C11orf16: variants seen among roughly 807,000 people sequenced by gnomAD.
The protein encoded by C11orf16 is uncharacterized protein C11orf16.
In C11orf16, 38 loss-of-function variants were observed where a neutral mutation model predicts 45.1. The observed-to-expected ratio is 0.84, with a 90% CI of 0.65 to 1.10. C11orf16 has a LOEUF of 1.10. C11orf16 is among the 50% of genes least tolerant of loss of function. The pLI is 0.00. For synonymous variants in C11orf16, 221 were observed against 222.0 expected (o/e 1.00, Z 0.04); for missense variants, 583 against 569.5 (o/e 1.02, Z -0.24).
chr11:8,931,427 C>T (rs921554087), intron 2 of C11orf16, among the ~76,000 whole-genome samples: 1 of 151,988 alleles, frequency 6.6e-6, no homozygotes, highest in Admixed American at 6.6e-5. Context: ...CTCACTCTGT[C>T]ACCCAGGCTG....
intron 5 of C11orf16, 98 bp downstream of exon 5, chr11:8,925,365 G>T: frequency 9.1e-7 from 1 of 1,094,698 alleles, no homozygotes; most frequent in Non-Finnish European, 1.3e-6. Context: ...TCCCAACAGA[G>T]TGGACACGTG....
chr11:8,922,527 C>T (rs1190296176), intron 5 of C11orf16, among the ~76,000 whole-genome samples: 1 of 152,180 alleles, frequency 6.6e-6, no homozygotes, highest in East Asian at 1.9e-4. Flanking sequence ...AAAGTACCTC[C>T]CTGCCAGCAG....
At position 8,929,098 on chromosome 11, in the gene C11orf16, G is replaced by A. The variant is rs577499400; in HGVS notation, c.324+279C>T. The A allele has an allele frequency of 8.3e-6, 3 of 361,594 alleles. No individual in the cohort carries two copies. The South Asian group carries it at 1.6e-4, about 20-fold the overall frequency. 22.4% of individuals were successfully genotyped at this position (361,594 alleles called of 1,614,324 possible). On this transcript the variant is annotated intron_variant, in intron 3 of 6. Coordinates refer to ENST00000326053, the MANE Select transcript of C11orf16 (RefSeq NM_020643.3). ...GAATGATTCTTCTTCATAGCTCTCAGAAGGAACCAACCTTGCCAACCCCTG... is the reference window on the plus strand; with the variant it reads ...GAATGATTCTTCTTCATAGCTCTCAAAAGGAACCAACCTTGCCAACCCCTG...
At chr11:8,923,909 C>T (rs999344805) in intron 5 of C11orf16, among the ~76,000 whole-genome samples, 6 of 133,046 alleles carry the variant, frequency 4.5e-5, no homozygotes, top group African/African-American at 8.4e-5. Context: ...CCAGCGAAAT[C>T]GCCACTTCTG....
Position 8,926,952 on chromosome 11 carries a change from C to G in C11orf16, c.547G>C (p.Asp183His), listed in dbSNP as rs745338501. The change falls in exon 4 of 7, where the codon GAT becomes CAT. Residue 183 changes from aspartate to histidine, a missense_variant. Transcript: ENST00000326053. ...CAGCTTCTCTTACCTCTCTGGGGAT[C>G]TCTCATCTCCAAGCCCAAAAGAACA... is the stretch of plus-strand genomic sequence containing the variant. ...GTVLLGLEMRDPQRASKEKEI... is the reference protein window; with the variant it reads ...GTVLLGLEMRHPQRASKEKEI... The G allele has an allele frequency of 6.2e-7, 1 of 1,613,506 alleles. No homozygotes were observed. Among genetic ancestry groups the G allele is most frequent in the Non-Finnish European group, 8.5e-7 (1 of 1,179,916 alleles).
In C11orf16 at chr11:8,925,913, G is replaced by T; in HGVS notation, c.754C>A (p.Arg252Ser). 6.2e-7 allele frequency: 1 copy of T among 1,614,198 alleles called. No individual in the cohort carries two copies. The highest frequency in any genetic ancestry group is 1.1e-5 in the South Asian group (1 of 91,086). The change falls in exon 5 of 7, where the codon CGC becomes AGC. Residue 252 changes from arginine to serine, a missense_variant. Physicochemically the swap from Arg to Ser is moderately radical, Grantham distance 110. Coordinates refer to ENST00000326053, the MANE Select transcript of C11orf16 (RefSeq NM_020643.3). ...TCCGGAGGAAGCTCATTAGTGATGCGCCCAGTGATTGGCCCTAGCAGAGAG... is the reference window on the plus strand; with the variant it reads ...TCCGGAGGAAGCTCATTAGTGATGCTCCCAGTGATTGGCCCTAGCAGAGAG... ...CCSLLGPITGRITNELPPDAP... is the reference protein window; with the variant it reads ...CCSLLGPITGSITNELPPDAP...
chr11:8,921,184 T>C, intron 6 of C11orf16, 110 bp downstream of exon 6: 1 of 813,526 alleles, frequency 1.2e-6, no homozygotes, highest in Non-Finnish European at 2.0e-6. Flanking sequence ...TGCATTTTTC[T>C]AGGACAAGGG....
In C11orf16 at chr11:8,921,514, T is replaced by A; in HGVS notation, c.1206A>T (p.Gly402=). The A allele has an allele frequency of 6.2e-7, 1 of 1,614,194 alleles. No individual in the cohort carries two copies. Among genetic ancestry groups the A allele is most frequent in the South Asian group, 1.1e-5 (1 of 91,074 alleles). Residue 402 remains glycine (G), a splice_region_variant and synonymous_variant, in exon 6 of 7, where the codon GGA becomes GGT. Transcript: ENST00000326053. The part of the protein sequence containing the change: ...NGPEPCLGKP[G]TRYSNICKEE... ...CTTTGCAGATGTTGGAATATCTTGT[T>A]CCTAAACCCAAAAGTCAATTACTTA...
chr11:8,928,377 G>A (rs767080505), intron 3 of C11orf16, among the ~76,000 whole-genome samples: 6 of 151,810 alleles, frequency 4.0e-5, no homozygotes, highest in African/African-American at 7.3e-5. Flanking sequence ...CCAGCATGGC[G>A]AGAGTGTGCT....
chr11:8,932,488 C>T (rs2064656553), intron 1 of C11orf16, among the ~76,000 whole-genome samples, 162 bp from the exon 2 acceptor site: 1 of 152,192 alleles, frequency 6.6e-6, no homozygotes, highest in Admixed American at 6.5e-5. Flanking sequence ...CTCTTTGAGT[C>T]ACCTGCCTTG....
intron 3 of C11orf16, 126 bp from the exon 4 acceptor site, chr11:8,927,300 A>G (rs2064621347): frequency 2.9e-6 from 2 of 695,510 alleles, no homozygotes; most frequent in South Asian, 3.6e-5. Flanking sequence ...ACAGGCACCT[A>G]AAGAAGGGAC....
intron 6 of C11orf16, 27 bp from the exon 7 acceptor site, chr11:8,920,477 A>G (rs1203621028): frequency 7.7e-6 from 5 of 653,342 alleles, no homozygotes; most frequent in Admixed American, 5.1e-5. Context: ...AATTCCATAC[A>G]TTGTTATGCT....
chr11:8,925,334 G>A, intron 5 of C11orf16, 129 bp downstream of exon 5: 1 of 848,866 alleles, frequency 1.2e-6, no homozygotes, highest in Middle Eastern at 3.0e-4. Flanking sequence ...AGCATGACCA[G>A]ACTCCCAAGG....
In C11orf16 at chr11:8,925,873, C is replaced by T; in HGVS notation, c.794G>A (p.Cys265Tyr). The T allele has an allele frequency of 6.2e-7, 1 of 1,614,224 alleles. No homozygotes were observed. Among genetic ancestry groups the T allele is most frequent in the Non-Finnish European group, 8.5e-7 (1 of 1,180,048 alleles). The change falls in exon 5 of 7, where the codon TGC becomes TAC. Residue 265 changes from cysteine (C) to tyrosine (Y), a missense_variant. Physicochemically the swap from Cys to Tyr is radical, Grantham distance 194. Coordinates refer to ENST00000326053, the MANE Select transcript of C11orf16 (RefSeq NM_020643.3). Reference protein sequence around the residue: ...NELPPDAPFLCPLCHHHACCQ... With the variant: ...NELPPDAPFLYPLCHHHACCQ... ...GCAGGCATGATGGTGGCAGAGAGGG[C>T]ACAGGAATGGAGCATCCGGAGGAAG...
intron 4 of C11orf16, 111 bp from the exon 5 acceptor site, chr11:8,926,218 G>A: frequency 9.4e-7 from 1 of 1,060,534 alleles, no homozygotes; most frequent in Non-Finnish European, 1.3e-6. Context: ...ACAGGGTCTG[G>A]CTCAGGCTGG....
At position 8,927,705 on chromosome 11, in the gene C11orf16, T is replaced by A. The variant is rs528444001; in HGVS notation, c.325-531A>T. On this transcript the variant is annotated intron_variant, in intron 3 of 6. Transcript: ENST00000326053. ...GCCCTTGCAGTCAACGAGGAAAGGG[T>A]TAGCTAAGCAAATGAATAGCAAAAG... 1.1e-5 allele frequency: 5 copies of A among 455,590 alleles called. No individual in the cohort carries two copies. In the East Asian group the frequency reaches 3.5e-4, roughly 32 times the overall value. The allele number at this position is 455,590 out of a possible 1,614,324, so 28.2% of individuals were successfully genotyped here. A position where few individuals can be genotyped will look rare whatever the true frequency, so the allele number is the denominator to read the frequency against.
chr11:8,932,581 T>C (rs1411379316), intron 1 of C11orf16, among the ~76,000 whole-genome samples: 2 of 152,210 alleles, frequency 1.3e-5, no homozygotes, highest in African/African-American at 4.8e-5. Flanking sequence ...AATCCTCCCC[T>C]ACAGCCTGCT....
chr11:8,920,264 C>T lies in C11orf16; in HGVS notation c.*209G>A. The T allele has an allele frequency of 4.7e-6, 2 of 424,434 alleles. No homozygotes were observed. Among genetic ancestry groups the T allele is most frequent in the Non-Finnish European group, 8.3e-6 (2 of 241,456 alleles). 26.3% of individuals were successfully genotyped at this position (424,434 alleles called of 1,614,324 possible). A position where few individuals can be genotyped will look rare whatever the true frequency, so the allele number is the denominator to read the frequency against. ...CAGGGAGCCCCAGGGCAGGATCCCACATTCCTATAGCCCTCACAACAGGTG... is the reference window on the plus strand; with the variant it reads ...CAGGGAGCCCCAGGGCAGGATCCCATATTCCTATAGCCCTCACAACAGGTG... On this transcript the variant is annotated 3_prime_UTR_variant, in exon 7 of 7. Coordinates refer to ENST00000326053, the MANE Select transcript of C11orf16 (RefSeq NM_020643.3).
Position 8,922,661 on chromosome 11 carries a change from G to A in C11orf16, c.1205-1146C>T, listed in dbSNP as rs1278148818. ...TGCAAGAGCTTTTGTGAGAGGCAAA[G>A]CTCAAAATTGAGTGTCAAGCATCAG... On this transcript the variant is annotated intron_variant, in intron 5 of 6. Transcript: ENST00000326053. Among the ~76,000 whole-genome samples, 4 of 152,202 alleles carry A rather than the reference G, an allele frequency of 2.6e-5. No individual in the cohort carries two copies. In the South Asian group the frequency reaches 6.2e-4, roughly 24 times the overall value.
Sources: gnomAD v4.1 joint callset for allele counts (sites outside exome capture counted in the v4.1 genomes callset) on GRCh38, gnomAD v4.1.1 for gene constraint, MANE v1.5 for transcripts, NCBI Gene and HGNC (gene_info 2026-07-23, HGNC 2026-07-21) for gene names.